The following NELL1 variants were observed in gnomAD, a reference collection of about 807,000 sequenced individuals.
The protein encoded by NELL1 is protein kinase C-binding protein NELL1.
NELL1 carries 76 observed loss-of-function variants against 107.4 expected under a neutral mutation model. The observed-to-expected ratio is 0.71, with a 90% confidence interval of 0.59 to 0.86. The LOEUF is 0.86. Among genes scored for constraint, NELL1 ranks in the 40% least tolerant of loss-of-function variants. NELL1 has a pLI of 0.00. For synonymous variants in NELL1, 353 were observed against 341.2 expected (o/e 1.03, Z -0.38); for missense variants, 1,024 against 1,005.5 (o/e 1.02, Z -0.25).
At chr11:20,673,979 C>T (rs998995691) in intron 1 of NELL1, among the ~76,000 whole-genome samples, 8 of 152,144 alleles carry the variant, frequency 5.3e-5, no homozygotes, top group East Asian at 3.9e-4. Context: ...GCTATGGGCA[C>T]GAGGCATTTT....
chr11:20,782,334 C>G (rs1176858521), intron 2 of NELL1, among the ~76,000 whole-genome samples: 2 of 152,106 alleles, frequency 1.3e-5, no homozygotes, highest in African/African-American at 2.4e-5. Context: ...TTGGGTGTCT[C>G]CATGGTGGAG....
At chr11:20,858,638 C>T (rs1359537231) in intron 4 of NELL1, among the ~76,000 whole-genome samples, 3 of 152,178 alleles carry the variant, frequency 2.0e-5, no homozygotes, top group Admixed American at 2.0e-4. Flanking sequence ...CTCCAACACC[C>T]CTGAAGGCAG....
chr11:21,564,270 G>A (rs932130353), intron 17 of NELL1, among the ~76,000 whole-genome samples: 1 of 151,960 alleles, frequency 6.6e-6, no homozygotes, highest in Non-Finnish European at 1.5e-5. Flanking sequence ...AAGAGGGATA[G>A]AGAAGTAACA....
At chr11:21,285,856 G>T (rs913991373) in intron 14 of NELL1, among the ~76,000 whole-genome samples, 1 of 152,180 alleles carries the variant, frequency 6.6e-6, no homozygotes, top group African/African-American at 2.4e-5. Flanking sequence ...TATTTTATTT[G>T]TAGTATTTTT....
Position 21,401,939 on chromosome 11 carries a change from A to G in NELL1, c.1645+30991A>G, listed in dbSNP as rs148101351. ...TGTAGATATAGAACTGTGCTTGAAC[A>G]GAGAATATTTTTAAATACAGTTTCC... On this transcript the variant is annotated intron_variant, in intron 15 of 19. Transcript: ENST00000357134. Among the ~76,000 whole-genome samples the G allele has an allele frequency of 5.6e-3, 855 of 151,884 alleles. 4 individuals carry two copies. The highest frequency in any genetic ancestry group is 7.6e-3 in the Non-Finnish European group (519 of 67,898).
intron 14 of NELL1, among the ~76,000 whole-genome samples, chr11:21,306,788 G>T (rs975818193): frequency 1.3e-5 from 2 of 152,052 alleles, no homozygotes; most frequent in African/African-American, 4.8e-5. Flanking sequence ...TGAAAGAGAA[G>T]AATATTTTTT....
chr11:21,153,583 G>A (rs1282869465), intron 13 of NELL1, among the ~76,000 whole-genome samples: 2 of 152,134 alleles, frequency 1.3e-5, no homozygotes, highest in African/African-American at 4.8e-5. Flanking sequence ...TAAGGGAAAG[G>A]AAGGGCACTT....
chr11:21,286,920 C>CT (rs141831318), intron 14 of NELL1, among the ~76,000 whole-genome samples: 1,576 of 152,266 alleles, frequency 0.01, 34 homozygotes, highest in African/African-American at 0.036. Context: ...TACCGCTACA[C>CT]TTTTTTATCT....
At chr11:21,038,685 A>T (rs1853154094) in intron 12 of NELL1, among the ~76,000 whole-genome samples, 1 of 152,146 alleles carries the variant, frequency 6.6e-6, no homozygotes, top group Admixed American at 6.6e-5. Context: ...ATTTATCATG[A>T]TCTGAACACA....
At chr11:21,388,508 A>G (rs998836591) in intron 15 of NELL1, among the ~76,000 whole-genome samples, 1 of 151,870 alleles carries the variant, frequency 6.6e-6, no homozygotes, top group Non-Finnish European at 1.5e-5. Flanking sequence ...AGTCACAGAC[A>G]CTTTCAAAGA....
intron 5 of NELL1, among the ~76,000 whole-genome samples, chr11:20,889,193 G>A (rs1160343808): frequency 6.6e-6 from 1 of 152,030 alleles, no homozygotes; most frequent in Non-Finnish European, 1.5e-5. Flanking sequence ...TAGATATACT[G>A]GCAGAATAGC....
At chr11:21,148,165 A>G (rs1414357971) in intron 13 of NELL1, among the ~76,000 whole-genome samples, 3 of 152,218 alleles carry the variant, frequency 2.0e-5, no homozygotes, top group African/African-American at 7.2e-5. Flanking sequence ...GTAAAGGGAT[A>G]AAGATATGAA....
chr11:20,687,211 TTTAA>T (rs2133861098), intron 2 of NELL1, among the ~76,000 whole-genome samples: 1 of 152,156 alleles, frequency 6.6e-6, no homozygotes, highest in Non-Finnish European at 1.5e-5. Flanking sequence ...TTTCTTATTA[TTTAA>T]TTTTTATGAG....
chr11:20,798,516 T>G (rs200637473), intron 3 of NELL1, among the ~76,000 whole-genome samples: 1 of 36,350 alleles, frequency 2.8e-5, no homozygotes, highest in South Asian at 1.9e-3. Flanking sequence ...TTAAAAAAAC[T>G]CTTCTTTGAC....
At chr11:21,506,183 T>C (rs1474886160) in intron 15 of NELL1, among the ~76,000 whole-genome samples, 2 of 152,360 alleles carry the variant, frequency 1.3e-5, no homozygotes, top group East Asian at 1.9e-4. Flanking sequence ...CTTTAAAGAA[T>C]TGTCAATTTG....
intron 13 of NELL1, among the ~76,000 whole-genome samples, chr11:21,139,013 A>C (rs1855805650): frequency 6.6e-6 from 1 of 152,216 alleles, no homozygotes; most frequent in Non-Finnish European, 1.5e-5. Flanking sequence ...TGTAAGAATA[A>C]TACAAGTGGA....
chr11:21,380,492 TG>T, intron 15 of NELL1, among the ~76,000 whole-genome samples: 1 of 152,162 alleles, frequency 6.6e-6, no homozygotes, highest in South Asian at 2.1e-4. Context: ...TTGGAGCAGC[TG>T]AGAAGTCTTG....
chr11:20,947,246 A>G (rs1433897236), intron 10 of NELL1, 90 bp from the exon 11 acceptor site: 1 of 798,336 alleles, frequency 1.3e-6, no homozygotes, highest in Non-Finnish European at 2.2e-6. Flanking sequence ...TGTTGTTATC[A>G]CTGCAGGCTA....
chr11:21,270,825 T>TATCTGC (rs1848724419), intron 14 of NELL1, among the ~76,000 whole-genome samples: 1 of 152,142 alleles, frequency 6.6e-6, no homozygotes, highest in African/African-American at 2.4e-5. Flanking sequence ...TATCATACAA[T>TATCTGC]ATCTGCATTC....
Sources: allele counts gnomAD v4.1 joint callset (sites outside exome capture counted in the v4.1 genomes callset), GRCh38; gene constraint gnomAD v4.1.1; transcripts MANE v1.5; gene names NCBI Gene and HGNC (gene_info 2026-07-23, HGNC 2026-07-21).